The following NFE2L2 variants were observed in gnomAD, a reference collection of about 807,000 sequenced individuals.
NFE2L2 encodes nuclear factor erythroid 2-related factor 2.
A neutral mutation model predicts 49.6 loss-of-function variants in NFE2L2; 20 were observed. That is an observed-to-expected ratio of 0.40 (90% CI 0.28 to 0.59). The LOEUF (loss-of-function observed/expected upper bound fraction) is 0.59. Among genes scored for constraint, NFE2L2 ranks in the 20% least tolerant of loss-of-function variants. NFE2L2 has a pLI of 0.40. For missense variants in NFE2L2, 578 were observed against 714.2 expected (o/e 0.81, Z 2.17); for synonymous variants, 244 against 256.5 (o/e 0.95, Z 0.47).
intron 1 of NFE2L2, among the ~76,000 whole-genome samples, chr2:177,259,628 G>C (rs1322844100): frequency 6.6e-6 from 1 of 151,508 alleles, no homozygotes; most frequent in Non-Finnish European, 1.5e-5. Flanking sequence ...CTAGGGTATA[G>C]TCTGGTACAA....
chr2:177,232,169 C>A, intron 4 of NFE2L2, 161 bp from the exon 5 acceptor site: 2 of 919,658 alleles, frequency 2.2e-6, no homozygotes, highest in Non-Finnish European at 3.2e-6. Context: ...ATATTTACGC[C>A]TAAGCGTTAT....
At position 177,234,013 on chromosome 2, in the gene NFE2L2, A is replaced by G. The variant is rs1349376322; in HGVS notation, c.304T>C (p.Tyr102His). The G allele has an allele frequency of 6.2e-7, 1 of 1,614,074 alleles. No individual in the cohort carries two copies. The highest frequency in any genetic ancestry group is 2.2e-5 in the East Asian group (1 of 44,904). Residue 102 changes from tyrosine (Y) to histidine (H), a missense_variant, in exon 2 of 5, where the codon TAC becomes CAC. Physicochemically the swap from Tyr to His is moderately conservative, Grantham distance 83. Transcript: ENST00000397062. ...AACTGAGTACTCTGTACCTGGGAGT[A>G]GTTGGCAGATCCACTGGTTTCTGAC... is the stretch of plus-strand genomic sequence containing the variant. Reference protein sequence around the residue: ...IQSETSGSANYSQVAHIPKSD... With the variant: ...IQSETSGSANHSQVAHIPKSD...
intron 1 of NFE2L2, among the ~76,000 whole-genome samples, chr2:177,244,704 A>C (rs1223715771): frequency 6.6e-6 from 1 of 152,152 alleles, no homozygotes. Context: ...TGGCAAGAAC[A>C]CACAAGAAGT....
chr2:177,233,959 T>C (rs1487635502), intron 2 of NFE2L2, 46 bp downstream of exon 2: 1 of 1,605,076 alleles, frequency 6.2e-7, no homozygotes. Flanking sequence ...TGCTCAGTGT[T>C]TCCTTAAACC....
chr2:177,259,757 C>T (rs958831742), intron 1 of NFE2L2, among the ~76,000 whole-genome samples: 1 of 151,956 alleles, frequency 6.6e-6, no homozygotes, highest in Non-Finnish European at 1.5e-5. Context: ...ACAGTGAAAC[C>T]CCATCTCTAC....
intron 1 of NFE2L2, among the ~76,000 whole-genome samples, chr2:177,249,571 C>T (rs1558988216): frequency 6.6e-6 from 1 of 152,052 alleles, no homozygotes; most frequent in Non-Finnish European, 1.5e-5. Flanking sequence ...TAATGCAATC[C>T]ACATGGGTAA....
chr2:177,243,878 G>A (rs1161515274), intron 1 of NFE2L2, among the ~76,000 whole-genome samples: 2 of 151,982 alleles, frequency 1.3e-5, no homozygotes, highest in Non-Finnish European at 2.9e-5. Flanking sequence ...CCAGGCTTGG[G>A]GGCTAAGTAA....
At chr2:177,264,143 G>C (rs1690852702) in intron 1 of NFE2L2, among the ~76,000 whole-genome samples, 1 of 152,024 alleles carries the variant, frequency 6.6e-6, no homozygotes, top group Non-Finnish European at 1.5e-5. Flanking sequence ...GGCCGCGCCG[G>C]CTCAGACGGC....
intron 1 of NFE2L2, among the ~76,000 whole-genome samples, chr2:177,255,054 G>A (rs1690468237): frequency 6.6e-6 from 1 of 152,200 alleles, no homozygotes; most frequent in Admixed American, 6.5e-5. Context: ...CAATTGTACT[G>A]TTATCAAGTG....
At chr2:177,235,930 T>G (rs1430928817) in intron 1 of NFE2L2, among the ~76,000 whole-genome samples, 1 of 152,252 alleles carries the variant, frequency 6.6e-6, no homozygotes, top group Non-Finnish European at 1.5e-5. Flanking sequence ...TTTTTCTGAT[T>G]TGTAATTTTA....
chr2:177,239,326 A>G (rs1574265265), intron 1 of NFE2L2, among the ~76,000 whole-genome samples: 1 of 152,084 alleles, frequency 6.6e-6, no homozygotes, highest in South Asian at 2.1e-4. Flanking sequence ...TGCAATCGTA[A>G]TAGGACCAAA....
intron 1 of NFE2L2, among the ~76,000 whole-genome samples, chr2:177,261,516 CAAACCTGTTTG>C (rs1292765706): frequency 1.3e-5 from 2 of 152,164 alleles, no homozygotes; most frequent in Non-Finnish European, 2.9e-5. Flanking sequence ...CCCCAGGAGT[CAAACCTGTTTG>C]AATGCTACCT....
chr2:177,253,342 T>A (rs770858868), intron 1 of NFE2L2, among the ~76,000 whole-genome samples: 2 of 152,176 alleles, frequency 1.3e-5, no homozygotes, highest in African/African-American at 4.8e-5. Flanking sequence ...GAGCAACTAT[T>A]ACGTAAGCAC....
chr2:177,233,281 G>A lies in NFE2L2; in HGVS notation c.371C>T (p.Ala124Val), dbSNP rs749353894. 30 of 1,600,926 alleles carry A rather than the reference G, an allele frequency of 1.9e-5. No homozygotes were observed. Among genetic ancestry groups the A allele is most frequent in the South Asian group, 1.8e-4 (16 of 88,186 alleles). Residue 124 changes from alanine to valine, a missense_variant, in exon 3 of 5, where the codon GCG becomes GTG. Ala to Val is a moderately conservative substitution (Grantham distance 64, BLOSUM62 0). Transcript: ENST00000397062. ...GTCATCTACAAACGGGAATGTCTGC[G>A]CCAAAAGCTGCATGCAGTCATCAAA... Reference protein sequence around the residue: ...LYFDDCMQLLAQTFPFVDDNE... With the variant: ...LYFDDCMQLLVQTFPFVDDNE...
At chr2:177,232,143 T>TAAA in intron 4 of NFE2L2, 135 bp from the exon 5 acceptor site, 1 of 1,015,622 alleles carries the variant, frequency 9.8e-7, no homozygotes, top group Non-Finnish European at 1.4e-6. Flanking sequence ...TCAGAGATAA[T>TAAA]TCTCATTTCC....
intron 1 of NFE2L2, chr2:177,263,976 C>T: frequency 1.0e-6 from 1 of 981,214 alleles, no homozygotes. Context: ...GCGGGGTGAG[C>T]GCGTCGCAGC....
intron 1 of NFE2L2, among the ~76,000 whole-genome samples, chr2:177,245,654 G>C (rs1264557879): frequency 1.3e-5 from 2 of 151,694 alleles, no homozygotes; most frequent in Non-Finnish European, 2.9e-5. Context: ...CTGTTGCCTA[G>C]GCTGGAGTGC....
At chr2:177,232,106 T>G (rs1689574849) in intron 4 of NFE2L2, 98 bp from the exon 5 acceptor site, 1 of 1,174,190 alleles carries the variant, frequency 8.5e-7, no homozygotes, top group Admixed American at 2.5e-5. Flanking sequence ...ATCTTCAGGC[T>G]TATCTCTATA....
chr2:177,252,549 ACT>A (rs926215942), intron 1 of NFE2L2, among the ~76,000 whole-genome samples: 15 of 152,062 alleles, frequency 9.9e-5, no homozygotes, highest in African/African-American at 3.4e-4. Context: ...AAAGAGAGAA[ACT>A]CTCTCTGTGC....
Sources: allele counts gnomAD v4.1 joint callset (sites outside exome capture counted in the v4.1 genomes callset), GRCh38; gene constraint gnomAD v4.1.1; transcripts MANE v1.5; gene names NCBI Gene and HGNC (gene_info 2026-07-23, HGNC 2026-07-21).